GNAI3: variants seen among roughly 807,000 people sequenced by gnomAD.
The protein encoded by GNAI3 is guanine nucleotide-binding protein G(i) subunit alpha-3.
In GNAI3, 12 loss-of-function variants were observed where a neutral mutation model predicts 41.8. That is an observed-to-expected ratio of 0.29 (90% CI 0.18 to 0.47). GNAI3 has a LOEUF of 0.47. GNAI3 is among the 20% of genes least tolerant of loss of function. The probability of loss-of-function intolerance (pLI) is 1.00; values close to 1 mark genes in which losing one functional copy is unlikely to be tolerated. For missense variants in GNAI3, 360 were observed against 429.6 expected (o/e 0.84, Z 1.43); for synonymous variants, 132 against 146.5 (o/e 0.90, Z 0.71).
At chr1:109,571,456 T>C (rs1648594664) in intron 1 of GNAI3, among the ~76,000 whole-genome samples, 1 of 152,212 alleles carries the variant, frequency 6.6e-6, no homozygotes, top group Non-Finnish European at 1.5e-5. Flanking sequence ...TTACTTGACA[T>C]CTGTCTGCAT....
intron 1 of GNAI3, among the ~76,000 whole-genome samples, chr1:109,568,253 G>T (rs2101097294): frequency 6.6e-6 from 1 of 152,234 alleles, no homozygotes; most frequent in African/African-American, 2.4e-5. Flanking sequence ...AAGAACATGT[G>T]TCTGGGTGCA....
chr1:109,581,279 T>C (rs1036871585), intron 4 of GNAI3, among the ~76,000 whole-genome samples: 12 of 150,906 alleles, frequency 8.0e-5, no homozygotes, highest in Admixed American at 2.0e-4. Context: ...TTGATTTAGA[T>C]TAAAAAAAAA....
intron 1 of GNAI3, among the ~76,000 whole-genome samples, chr1:109,556,435 T>G (rs1446581401): frequency 6.6e-6 from 1 of 152,216 alleles, no homozygotes; most frequent in Non-Finnish European, 1.5e-5. Flanking sequence ...AAATGGAATG[T>G]TCAAAACGCG....
intron 7 of GNAI3, among the ~76,000 whole-genome samples, chr1:109,587,678 C>T (rs1571162940): frequency 6.6e-6 from 1 of 152,054 alleles, no homozygotes; most frequent in Non-Finnish European, 1.5e-5. Flanking sequence ...TCATGGAGGG[C>T]CTTATATCTC....
intron 1 of GNAI3, among the ~76,000 whole-genome samples, chr1:109,557,093 G>A (rs184002681): frequency 8.5e-5 from 13 of 152,212 alleles, no homozygotes; most frequent in South Asian, 2.1e-4. Flanking sequence ...GCACCACCGT[G>A]CCCAGCTATT....
At chr1:109,584,444 TTTC>T (rs1378276070) in intron 5 of GNAI3, among the ~76,000 whole-genome samples, 4 of 152,250 alleles carry the variant, frequency 2.6e-5, no homozygotes, top group Non-Finnish European at 5.9e-5. Flanking sequence ...TGTTGGAAAC[TTTC>T]TTATTGGTGT....
At chr1:109,556,588 T>C (rs1648162194) in intron 1 of GNAI3, among the ~76,000 whole-genome samples, 1 of 152,244 alleles carries the variant, frequency 6.6e-6, no homozygotes, top group African/African-American at 2.4e-5. Flanking sequence ...TAATGAACTA[T>C]ATCCTGCTAC....
intron 1 of GNAI3, among the ~76,000 whole-genome samples, chr1:109,554,194 G>C (rs762940484): frequency 1.6e-4 from 25 of 152,100 alleles, no homozygotes; most frequent in Admixed American, 6.5e-4. Flanking sequence ...ATAAACATGC[G>C]TATGCAAGTA....
Position 109,573,923 on chromosome 1 carries a change from G to C in GNAI3, c.189G>C (p.Glu63Asp). ...TCATTCATGAGGATGGCTATTCAGA[G>C]GATGAATGTAAACAATATAAAGTAG... ...MKIIHEDGYSEDECKQYKVVV... is the reference protein window; with the variant it reads ...MKIIHEDGYSDDECKQYKVVV... The change falls in exon 3 of 9, where the codon GAG becomes GAC. Residue 63 changes from glutamate (E) to aspartate (D), a missense_variant. Coordinates refer to ENST00000369851, the MANE Select transcript of GNAI3 (RefSeq NM_006496.4). 1 of 1,609,772 alleles carries C rather than the reference G, an allele frequency of 6.2e-7. No homozygotes were observed. Among genetic ancestry groups the C allele is most frequent in the Non-Finnish European group, 8.5e-7 (1 of 1,176,392 alleles).
chr1:109,559,988 A>G (rs1214809122), intron 1 of GNAI3, among the ~76,000 whole-genome samples: 1 of 152,234 alleles, frequency 6.6e-6, no homozygotes, highest in Non-Finnish European at 1.5e-5. Flanking sequence ...TCTGATGTGA[A>G]CTAAGCAAAG....
chr1:109,564,540 G>C (rs1648400741), intron 1 of GNAI3, among the ~76,000 whole-genome samples: 1 of 151,940 alleles, frequency 6.6e-6, no homozygotes, highest in Admixed American at 6.6e-5. Context: ...TGACCTTGTT[G>C]TGCATGAAGC....
chr1:109,561,893 G>A (rs555256486), intron 1 of GNAI3, among the ~76,000 whole-genome samples: 2 of 152,242 alleles, frequency 1.3e-5, no homozygotes, highest in East Asian at 3.9e-4. Context: ...TTAAGGCAGA[G>A]GCTGGAGAGA....
intron 4 of GNAI3, among the ~76,000 whole-genome samples, chr1:109,580,807 A>G (rs555008336): frequency 1.4e-4 from 22 of 152,362 alleles, no homozygotes; most frequent in Non-Finnish European, 2.4e-4. Flanking sequence ...GATCACTAGC[A>G]TACATTTATA....
intron 1 of GNAI3, among the ~76,000 whole-genome samples, chr1:109,554,771 A>C (rs1648097525): frequency 6.6e-6 from 1 of 151,966 alleles, no homozygotes; most frequent in Non-Finnish European, 1.5e-5. Context: ...CTTGGTTGTG[A>C]AGTCTTTGCC....
At chr1:109,564,114 G>C (rs1309187142) in intron 1 of GNAI3, among the ~76,000 whole-genome samples, 1 of 151,618 alleles carries the variant, frequency 6.6e-6, no homozygotes, top group East Asian at 1.9e-4. Flanking sequence ...GGGTTGATAG[G>C]TTATTGTTAG....
chr1:109,581,882 C>G (rs1648896933), intron 4 of GNAI3, among the ~76,000 whole-genome samples: 1 of 138,676 alleles, frequency 7.2e-6, no homozygotes, highest in African/African-American at 2.5e-5. Context: ...GAGTAAGACT[C>G]TGTCTCAAAA....
chr1:109,573,626 A>G (rs1648663106), intron 1 of GNAI3, 111 bp from the exon 2 acceptor site: 1 of 840,734 alleles, frequency 1.2e-6, no homozygotes, highest in Non-Finnish European at 2.0e-6. Flanking sequence ...CCTCACCAAA[A>G]TTTTCCCTAG....
intron 1 of GNAI3, among the ~76,000 whole-genome samples, chr1:109,570,151 T>TCACTATGTGCTATTTGAGTATTAACTA (rs1390977777): frequency 1.3e-5 from 2 of 152,218 alleles, no homozygotes. Context: ...CCTAAGAAAG[T>TCACTATGTGCTATTTGAGTATTAACTA]CACTATGTGC....
chr1:109,588,947 G>T (rs1649104132), intron 7 of GNAI3, among the ~76,000 whole-genome samples: 1 of 152,216 alleles, frequency 6.6e-6, no homozygotes, highest in South Asian at 2.1e-4. Flanking sequence ...GGGTAAGGAA[G>T]TGGGAAGAGT....
Sources: gnomAD v4.1 joint callset for allele counts (sites outside exome capture counted in the v4.1 genomes callset) on GRCh38, gnomAD v4.1.1 for gene constraint, MANE v1.5 for transcripts, NCBI Gene and HGNC (gene_info 2026-07-23, HGNC 2026-07-21) for gene names.